The following COL21A1 variants were observed in gnomAD, a reference collection of about 807,000 sequenced individuals.
COL21A1 encodes collagen type XXI alpha 1 chain.
In COL21A1, 149 loss-of-function variants were observed where a neutral mutation model predicts 137.9. The observed-to-expected ratio is 1.08, with a 90% CI of 0.95 to 1.24. The LOEUF (loss-of-function observed/expected upper bound fraction) is 1.24. COL21A1 is among the 50% of genes most tolerant of loss of function. The probability of loss-of-function intolerance (pLI) is 0.00; values close to 1 mark genes in which losing one functional copy is unlikely to be tolerated. For missense variants in COL21A1, 1,167 were observed against 1,158.4 expected (o/e 1.01, Z -0.11); for synonymous variants, 456 against 391.5 (o/e 1.16, Z -1.95).
At chr6:56,362,854 C>A (rs570460057) in intron 1 of COL21A1, among the ~76,000 whole-genome samples, 2 of 152,112 alleles carry the variant, frequency 1.3e-5, no homozygotes, top group Non-Finnish European at 2.9e-5. Context: ...CGGGCCGGTG[C>A]GTATTTGAAA....
intron 1 of COL21A1, among the ~76,000 whole-genome samples, chr6:56,272,885 C>T (rs1763561035): frequency 6.6e-6 from 1 of 152,160 alleles, no homozygotes; most frequent in Admixed American, 6.5e-5. Context: ...GTCAATTAAA[C>T]CTTTTTTCTT....
rs551959830 is a variant in COL21A1, at chr6:56,161,734, C to T, written c.1371+2689G>A. 2.6e-5 allele frequency among the ~76,000 whole-genome samples: 4 copies of T among 152,094 alleles called. No homozygotes were observed. The East Asian group carries it at 7.7e-4, about 29-fold the overall frequency. ...CTAGTGACAGATAATTTTTTGATGCCTGATAAAGAGTTACAATGACAATGA... is the reference window on the plus strand; with the variant it reads ...CTAGTGACAGATAATTTTTTGATGCTTGATAAAGAGTTACAATGACAATGA... On this transcript the variant is annotated intron_variant, in intron 9 of 29. Transcript: ENST00000244728.
At chr6:56,345,031 T>C (rs1021209195) in intron 1 of COL21A1, among the ~76,000 whole-genome samples, 2 of 152,150 alleles carry the variant, frequency 1.3e-5, no homozygotes, top group Non-Finnish European at 2.9e-5. Context: ...AAACATTAGG[T>C]GCTTACCTAC....
At chr6:56,072,810 A>T (rs184047490) in intron 20 of COL21A1, among the ~76,000 whole-genome samples, 1 of 151,754 alleles carries the variant, frequency 6.6e-6, no homozygotes, top group Admixed American at 6.6e-5. Flanking sequence ...AAAAAAATTA[A>T]AATATTTTAT....
rs749198348 is a variant in COL21A1 at position 56,060,729 on chromosome 6, T to C, written c.2407+12A>G. 17 of 1,593,058 alleles carry C rather than the reference T, an allele frequency of 1.1e-5. No homozygotes were observed. The highest frequency in any genetic ancestry group is 1.4e-5 in the Non-Finnish European group (16 of 1,172,202). On this transcript the variant is annotated intron_variant, in intron 27 of 29. Coordinates refer to ENST00000244728, the MANE Select transcript of COL21A1 (RefSeq NM_030820.4). ...TGAGAAAAGTTATTAAAATGCTATA[T>C]TTGATACCTACCTCTTATTACATCT...
rs552629185 is a variant in COL21A1 at position 56,216,516 on chromosome 6, C to G, written c.-39+30871G>C. The stretch of plus-strand genomic sequence containing the variant: ...ATAACTTTTAAATGTGCTGAAAATT[C>G]TGCCCCATCTCTTTTTACTCTGTTA... On this transcript the variant is annotated intron_variant, in intron 1 of 29. Coordinates refer to ENST00000244728, the MANE Select transcript of COL21A1 (RefSeq NM_030820.4). Among the ~76,000 whole-genome samples, 91 of 152,134 alleles carry G rather than the reference C, an allele frequency of 6.0e-4. No individual in the cohort carries two copies. In the Middle Eastern group the frequency reaches 0.01, roughly 17 times the overall value.
At chr6:56,287,259 G>A (rs1019586186) in intron 1 of COL21A1, among the ~76,000 whole-genome samples, 8 of 152,098 alleles carry the variant, frequency 5.3e-5, no homozygotes, top group African/African-American at 1.9e-4. Flanking sequence ...GTGGCCCTGT[G>A]GTGGAAAAAA....
At chr6:56,244,883 G>A (rs1279529402) in intron 1 of COL21A1, among the ~76,000 whole-genome samples, 1 of 152,166 alleles carries the variant, frequency 6.6e-6, no homozygotes, top group Non-Finnish European at 1.5e-5. Context: ...TTGGTCCTAA[G>A]AGGATAATAG....
In COL21A1 at chr6:56,322,667, C is replaced by T. The variant is rs190687519; in HGVS notation, c.-39+71304G>A. On this transcript the variant is annotated intron_variant, in intron 1 of 28. Coordinates refer to the COL21A1 transcript ENST00000370819. ...CTAAGTGAATACTAGCCATTTCTAT[C>T]CCTGATTCTTATAAACCTTAAACTT... 1.3e-3 allele frequency among the ~76,000 whole-genome samples: 193 copies of T among 152,126 alleles called. 1 individual carries two copies. Among genetic ancestry groups the T allele is most frequent in the Non-Finnish European group, 2.1e-4 (14 of 67,988 alleles).
At chr6:56,255,332 A>AGG (rs1267328109) in intron 1 of COL21A1, among the ~76,000 whole-genome samples, 5 of 92,660 alleles carry the variant, frequency 5.4e-5, no homozygotes, top group African/African-American at 1.4e-4. Context: ...TGTTGTTAAG[A>AGG]GGGTGTGTGT....
chr6:56,101,655 A>C (rs1582357627), intron 16 of COL21A1, 130 bp from the exon 17 acceptor site: 2 of 670,436 alleles, frequency 3.0e-6, no homozygotes, highest in East Asian at 5.6e-5. Flanking sequence ...CTTCTGGACT[A>C]CTGATATTAA....
intron 1 of COL21A1, among the ~76,000 whole-genome samples, chr6:56,280,661 G>C (rs1446153468): frequency 1.3e-5 from 2 of 152,312 alleles, no homozygotes; most frequent in South Asian, 4.1e-4. Flanking sequence ...TCTTTTGTAT[G>C]AAAGAGATTT....
chr6:56,353,106 A>T (rs1371910344), intron 1 of COL21A1, among the ~76,000 whole-genome samples: 3 of 152,158 alleles, frequency 2.0e-5, no homozygotes, highest in Non-Finnish European at 4.4e-5. Context: ...ACATGCCTAC[A>T]AATTATTTGG....
intron 1 of COL21A1, among the ~76,000 whole-genome samples, chr6:56,371,247 T>C (rs551364226): frequency 6.6e-6 from 1 of 152,346 alleles, no homozygotes; most frequent in South Asian, 2.1e-4. Flanking sequence ...ATTTATTCAG[T>C]AGATTCACTG....
intron 12 of COL21A1, among the ~76,000 whole-genome samples, chr6:56,140,329 T>A (rs1774319890): frequency 6.6e-6 from 1 of 152,198 alleles, no homozygotes; most frequent in Non-Finnish European, 1.5e-5. Context: ...CTGCAAAATC[T>A]ATGTATATTC....
rs1373151351 is a variant in COL21A1, at chr6:56,097,863, A to T, written c.1812+3609T>A. Among the ~76,000 whole-genome samples the T allele has an allele frequency of 2.5e-4, 7 of 27,902 alleles. No individual in the cohort carries two copies. In the East Asian group the frequency reaches 0.021, roughly 82 times the overall value. The allele number at this position is 27,902 out of a possible 152,430, so 18.3% of individuals were successfully genotyped here. A position where few individuals can be genotyped will look rare whatever the true frequency, so the allele number is the denominator to read the frequency against. Reference sequence around the variant, plus strand: ...AATATATAAATATATATAAATATATAAAAATATCTATAAATATATAAATAT... The same window carrying T: ...AATATATAAATATATATAAATATATTAAAATATCTATAAATATATAAATAT... On this transcript the variant is annotated intron_variant, in intron 17 of 29. Transcript: ENST00000244728.
At chr6:56,277,292 C>G (rs1412448084) in intron 1 of COL21A1, among the ~76,000 whole-genome samples, 3 of 152,130 alleles carry the variant, frequency 2.0e-5, no homozygotes, top group African/African-American at 7.2e-5. Flanking sequence ...TATCCCTCCC[C>G]ACTCCCCTCA....
At chr6:56,074,210 T>C in intron 20 of COL21A1, 22 bp downstream of exon 20, 3 of 1,555,016 alleles carry the variant, frequency 1.9e-6, no homozygotes, top group Non-Finnish European at 2.6e-6. Context: ...GTTCCCAGTC[T>C]TGTTTATTTT....
At chr6:56,169,473 C>G (rs1264228556) in intron 5 of COL21A1, among the ~76,000 whole-genome samples, 1 of 151,896 alleles carries the variant, frequency 6.6e-6, no homozygotes, top group Non-Finnish European at 1.5e-5. Flanking sequence ...AAGTCCAAAC[C>G]ACATTATATG....
Sources: gnomAD v4.1 joint callset for allele counts (sites outside exome capture counted in the v4.1 genomes callset) on GRCh38, gnomAD v4.1.1 for gene constraint, MANE v1.5 for transcripts, NCBI Gene and HGNC (gene_info 2026-07-23, HGNC 2026-07-21) for gene names.